Variants in PPARD observed in about 807,000 individuals in gnomAD.
PPARD encodes peroxisome proliferator-activated receptor delta.
A neutral mutation model predicts 39.5 loss-of-function variants in PPARD; 6 were observed. The ratio of observed to expected loss-of-function variants is 0.15; its 90% confidence interval spans 0.08 to 0.30. PPARD has a LOEUF of 0.30. Among genes scored for constraint, PPARD ranks in the 10% least tolerant of loss-of-function variants. PPARD has a pLI of 1.00. For missense variants in PPARD, 397 were observed against 596.8 expected (o/e 0.67, Z 3.49); for synonymous variants, 210 against 231.3 (o/e 0.91, Z 0.83).
At chr6:35,353,660 T>C in intron 2 of PPARD, among the ~76,000 whole-genome samples, 1 of 152,136 alleles carries the variant, frequency 6.6e-6, no homozygotes, top group East Asian at 1.9e-4. Flanking sequence ...GAGGAAGGAA[T>C]GGGGAGGACA....
At chr6:35,353,198 A>G (rs1761365639) in intron 2 of PPARD, among the ~76,000 whole-genome samples, 2 of 152,168 alleles carry the variant, frequency 1.3e-5, no homozygotes, top group African/African-American at 4.8e-5. Flanking sequence ...TCTTTGGGCA[A>G]TGGGGGAGCC....
intron 5 of PPARD, 24 bp downstream of exon 5, chr6:35,421,982 A>G (rs764475849): frequency 5.7e-6 from 9 of 1,582,186 alleles, no homozygotes; most frequent in Admixed American, 5.3e-5. Context: ...AGGGCAACTC[A>G]CGGGCTGCTG....
intron 2 of PPARD, among the ~76,000 whole-genome samples, chr6:35,379,817 A>T (rs552373385): frequency 6.6e-6 from 1 of 152,368 alleles, no homozygotes; most frequent in South Asian, 2.1e-4. Context: ...TCTGAGGAAT[A>T]GCCCCAAATG....
At chr6:35,389,153 C>G (rs1763856681) in intron 2 of PPARD, among the ~76,000 whole-genome samples, 1 of 152,192 alleles carries the variant, frequency 6.6e-6, no homozygotes, top group Non-Finnish European at 1.5e-5. Context: ...TGCATTCCAG[C>G]TTGGCCTGGA....
At chr6:35,404,838 G>A (rs955284466) in intron 2 of PPARD, among the ~76,000 whole-genome samples, 1 of 152,294 alleles carries the variant, frequency 6.6e-6, no homozygotes, top group South Asian at 2.1e-4. Context: ...AATGGGCAAT[G>A]GATGGAGTCA....
intron 2 of PPARD, among the ~76,000 whole-genome samples, chr6:35,383,627 C>T: frequency 7.4e-6 from 1 of 134,332 alleles, no homozygotes; most frequent in Non-Finnish European, 1.5e-5. Flanking sequence ...GAAGGAGGAG[C>T]GTCTCTGCCC....
intron 2 of PPARD, among the ~76,000 whole-genome samples, chr6:35,385,646 TA>T (rs66948740): frequency 0.59 from 57,269 of 96,556 alleles, 15,402 homozygotes; most frequent in Admixed American, 0.66. Flanking sequence ...TAAATAAATT[TA>T]AAAAAAAAAA....
intron 3 of PPARD, among the ~76,000 whole-genome samples, chr6:35,414,322 G>T (rs976761334): frequency 6.0e-5 from 9 of 151,126 alleles, no homozygotes; most frequent in Admixed American, 1.3e-4. Context: ...CTGAGGAGCA[G>T]GATCATGGTT....
intron 2 of PPARD, among the ~76,000 whole-genome samples, chr6:35,389,437 G>A (rs1487515124): frequency 6.6e-6 from 1 of 151,938 alleles, no homozygotes; most frequent in Admixed American, 6.6e-5. Flanking sequence ...TCAGCCTCTC[G>A]AGTAGCTGGG....
intron 2 of PPARD, 138 bp downstream of exon 2, chr6:35,347,288 C>T: frequency 9.6e-7 from 1 of 1,045,372 alleles, no homozygotes; most frequent in Non-Finnish European, 1.4e-6. Flanking sequence ...GCATCTGGTA[C>T]CAGTTGCTTA....
rs1240733395 is a variant in PPARD, at chr6:35,363,336, CA to C, written c.-102+16187del. Among the ~76,000 whole-genome samples, 1 of 152,174 alleles carries C rather than the reference CA, an allele frequency of 6.6e-6. No individual in the cohort carries two copies. Among genetic ancestry groups the C allele is most frequent in the East Asian group, 1.9e-4 (1 of 5,194 alleles). On this transcript the variant is annotated intron_variant, in intron 2 of 7. Coordinates refer to ENST00000360694, the MANE Select transcript of PPARD (RefSeq NM_006238.5). This position sits in a 1 kb window ranked among gnomAD's most constrained non-coding sequence, Gnocchi z 4.5. ...TGCGTTCCTGTGGGCCTGCCTGGAT[CA>C]TATCTGTTCTGCTGTGATCCCAGGC...
intron 2 of PPARD, among the ~76,000 whole-genome samples, chr6:35,368,204 C>A (rs1475753743): frequency 1.3e-5 from 2 of 152,178 alleles, no homozygotes; most frequent in East Asian, 3.8e-4. Context: ...TCTTAGGGAA[C>A]CTTCCAAAAT....
chr6:35,370,206 G>A (rs1762408492), intron 2 of PPARD, among the ~76,000 whole-genome samples: 2 of 152,156 alleles, frequency 1.3e-5, no homozygotes, highest in African/African-American at 4.8e-5. Flanking sequence ...GCCAGGAAGG[G>A]TCTGGCTGTT....
chr6:35,382,600 C>A (rs1175716781), intron 2 of PPARD, among the ~76,000 whole-genome samples: 1 of 152,224 alleles, frequency 6.6e-6, no homozygotes, highest in Non-Finnish European at 1.5e-5. Flanking sequence ...CCAAGAACAT[C>A]TATTGCTGTT....
intron 2 of PPARD, among the ~76,000 whole-genome samples, chr6:35,378,385 G>A (rs1762942943): frequency 6.6e-6 from 1 of 152,158 alleles, no homozygotes; most frequent in African/African-American, 2.4e-5. Flanking sequence ...GGCACATTTT[G>A]TGCCAAGTTG....
intron 1 of PPARD, among the ~76,000 whole-genome samples, chr6:35,346,274 C>T (rs1424339363): frequency 5.9e-5 from 9 of 152,168 alleles, no homozygotes; most frequent in African/African-American, 1.9e-4. Context: ...ACAGTGGTGC[C>T]TTGCTCCAGT....
chr6:35,367,437 A>G (rs1012938955), intron 2 of PPARD, among the ~76,000 whole-genome samples: 1 of 152,172 alleles, frequency 6.6e-6, no homozygotes, highest in African/African-American at 2.4e-5. Flanking sequence ...CAGCCCGTTC[A>G]CTTCTGTTGA....
At chr6:35,364,671 T>C (rs931964622) in intron 2 of PPARD, among the ~76,000 whole-genome samples, 14 of 151,786 alleles carry the variant, frequency 9.2e-5, no homozygotes, top group Admixed American at 6.6e-5. Context: ...ACTCCTGACC[T>C]CAGGCAATCT....
At position 35,363,841 on chromosome 6, in the gene PPARD, A is replaced by G. The variant is rs1166402973; in HGVS notation, c.-102+16691A>G. 6.6e-6 allele frequency among the ~76,000 whole-genome samples: 1 copy of G among 152,014 alleles called. No individual in the cohort carries two copies. The highest frequency in any genetic ancestry group is 2.1e-4 in the South Asian group (1 of 4,830). On this transcript the variant is annotated intron_variant, in intron 2 of 7. Transcript: ENST00000360694. This position sits in a 1 kb window ranked among gnomAD's most constrained non-coding sequence, Gnocchi z 4.5. ...CATATTTTTATAGCATAAAATTAAG[A>G]TATAGTTCACATAACCAAATTCACC...
Sources: allele counts gnomAD v4.1 joint callset (sites outside exome capture counted in the v4.1 genomes callset), GRCh38; gene constraint gnomAD v4.1.1; non-coding constraint Gnocchi (gnomAD v3.1); transcripts MANE v1.5; gene names NCBI Gene and HGNC (gene_info 2026-07-23, HGNC 2026-07-21).